CLMN: variants seen among roughly 807,000 people sequenced by gnomAD.
CLMN encodes calmin (calponin-like, transmembrane).
In CLMN, 57 loss-of-function variants were observed where a neutral mutation model predicts 92.7. The ratio of observed to expected loss-of-function variants is 0.61; its 90% confidence interval spans 0.50 to 0.77. CLMN has a LOEUF of 0.77. CLMN is among the 30% of genes least tolerant of loss of function. The pLI is 0.00. For synonymous variants in CLMN, 466 were observed against 470.6 expected (o/e 0.99, Z 0.13); for missense variants, 1,158 against 1,237.5 (o/e 0.94, Z 0.96).
At chr14:95,242,789 G>A (rs1413543760) in intron 1 of CLMN, among the ~76,000 whole-genome samples, 1 of 150,540 alleles carries the variant, frequency 6.6e-6, no homozygotes, top group African/African-American at 2.5e-5. Flanking sequence ...AGATGGTCTC[G>A]AACTCCAGAC....
intron 2 of CLMN, among the ~76,000 whole-genome samples, chr14:95,229,285 A>G (rs992768867): frequency 7.2e-5 from 11 of 151,948 alleles, no homozygotes; most frequent in African/African-American, 2.7e-4. Context: ...CCTTCCCATC[A>G]CTGCCTCTCC....
chr14:95,262,840 T>G (rs925550047), intron 1 of CLMN, among the ~76,000 whole-genome samples: 7 of 152,194 alleles, frequency 4.6e-5, no homozygotes, highest in Non-Finnish European at 1.0e-4. Context: ...TACTGGGGTT[T>G]CAGGCATGAG....
At chr14:95,309,884 T>C (rs1451226912) in intron 1 of CLMN, among the ~76,000 whole-genome samples, 2 of 152,098 alleles carry the variant, frequency 1.3e-5, no homozygotes, top group African/African-American at 4.8e-5. Context: ...ACCACACGCT[T>C]AGTGGCTGAA....
intron 1 of CLMN, among the ~76,000 whole-genome samples, chr14:95,302,321 A>G (rs1321304724): frequency 6.6e-6 from 1 of 151,964 alleles, no homozygotes; most frequent in Non-Finnish European, 1.5e-5. Context: ...AAATTAAAAC[A>G]AAAAAAGAGG....
At chr14:95,231,582 G>A (rs1897891878) in intron 1 of CLMN, among the ~76,000 whole-genome samples, 1 of 152,122 alleles carries the variant, frequency 6.6e-6, no homozygotes, top group Non-Finnish European at 1.5e-5. Flanking sequence ...CTGGTCCCTG[G>A]TGCCAAAAAG....
At chr14:95,281,891 C>T (rs929301532) in intron 1 of CLMN, among the ~76,000 whole-genome samples, 1 of 152,180 alleles carries the variant, frequency 6.6e-6, no homozygotes, top group African/African-American at 2.4e-5. Flanking sequence ...CCAAGAAGGG[C>T]TGTACCATGC....
intron 1 of CLMN, among the ~76,000 whole-genome samples, chr14:95,267,876 G>A (rs543670963): frequency 9.8e-5 from 15 of 152,334 alleles, no homozygotes; most frequent in African/African-American, 3.6e-4. Flanking sequence ...CAGCAATATG[G>A]ATGAAACTGG....
intron 5 of CLMN, among the ~76,000 whole-genome samples, chr14:95,214,942 TGA>T (rs772618748): frequency 1.3e-5 from 2 of 151,794 alleles, no homozygotes; most frequent in Non-Finnish European, 2.9e-5. Context: ...CTCTAGAAAA[TGA>T]GATACCAGCT....
chr14:95,226,645 C>T (rs1897720536), intron 2 of CLMN, among the ~76,000 whole-genome samples: 1 of 152,016 alleles, frequency 6.6e-6, no homozygotes, highest in Non-Finnish European at 1.5e-5. Flanking sequence ...GGCATGACCA[C>T]GGTTCACTGC....
intron 1 of CLMN, among the ~76,000 whole-genome samples, chr14:95,240,718 A>G (rs555610615): frequency 6.6e-6 from 1 of 152,324 alleles, no homozygotes; most frequent in East Asian, 1.9e-4. Context: ...GAGGAAATCA[A>G]CCTTTATAAA....
intron 4 of CLMN, among the ~76,000 whole-genome samples, chr14:95,217,237 G>A (rs1219628453): frequency 6.6e-6 from 1 of 152,220 alleles, no homozygotes; most frequent in African/African-American, 2.4e-5. Flanking sequence ...AGAACCTGAA[G>A]AGAGCATCTC....
At chr14:95,233,227 G>A (rs1897943796) in intron 1 of CLMN, among the ~76,000 whole-genome samples, 1 of 152,180 alleles carries the variant, frequency 6.6e-6, no homozygotes, top group Admixed American at 6.5e-5. Flanking sequence ...CAGAGAACCT[G>A]GGTTAGGCTG....
chr14:95,316,397 G>A (rs1022054822), intron 1 of CLMN, among the ~76,000 whole-genome samples: 2 of 152,254 alleles, frequency 1.3e-5, no homozygotes, highest in Non-Finnish European at 2.9e-5. Context: ...CTTGACGAAC[G>A]TCTTTTTGAG....
chr14:95,304,042 A>C (rs1901171683), intron 1 of CLMN, among the ~76,000 whole-genome samples: 1 of 152,226 alleles, frequency 6.6e-6, no homozygotes, highest in African/African-American at 2.4e-5. Flanking sequence ...AAACTCAAAG[A>C]AATCTACATC....
At position 95,245,221 on chromosome 14, in the gene CLMN, T is replaced by C. The variant is rs1293110750; in HGVS notation, c.83-15088A>G. Among the ~76,000 whole-genome samples the C allele has an allele frequency of 1.2e-3, 39 of 33,110 alleles. 2 individuals carry two copies. Among genetic ancestry groups the C allele is most frequent in the African/African-American group, 3.2e-3 (17 of 5,318 alleles). 21.7% of individuals were successfully genotyped at this position (33,110 alleles called of 152,430 possible). On this transcript the variant is annotated intron_variant, in intron 1 of 12. Transcript: ENST00000298912. ...TATATATATATATTATATATATATATATATTATATATATATATTATATATA... is the reference window on the plus strand; with the variant it reads ...TATATATATATATTATATATATATACATATTATATATATATATTATATATA...
At position 95,196,585 on chromosome 14, in the gene CLMN, A is replaced by G. The variant is rs371458866; in HGVS notation, c.2621T>C (p.Val874Ala). The change falls in exon 10 of 13, where the codon GTA becomes GCA. Residue 874 changes from valine (V) to alanine (A), a missense_variant. Physicochemically the swap from Val to Ala is moderately conservative, Grantham distance 64. Transcript: ENST00000298912. ...TGGTGCTACAAATAGTGAACTTTCT[A>G]CGTGGTCCACATGTTTCCTTTTTTC... Reference protein sequence around the residue: ...KKEKRKHVDHVESSLFVAPGS... With the variant: ...KKEKRKHVDHAESSLFVAPGS... The G allele has an allele frequency of 5.0e-6, 8 of 1,614,090 alleles. No individual in the cohort carries two copies. The African/African-American group carries it at 9.3e-5, about 19-fold the overall frequency.
intron 1 of CLMN, among the ~76,000 whole-genome samples, chr14:95,291,179 T>C (rs1346692436): frequency 6.6e-6 from 1 of 152,238 alleles, no homozygotes; most frequent in Non-Finnish European, 1.5e-5. Context: ...CGTCCCTGGT[T>C]ACTGATGACA....
At chr14:95,250,338 A>C (rs547871564) in intron 1 of CLMN, among the ~76,000 whole-genome samples, 45 of 152,354 alleles carry the variant, frequency 3.0e-4, no homozygotes, top group Non-Finnish European at 5.3e-4. Flanking sequence ...CAATTGTTGG[A>C]TATTTCAGCT....
chr14:95,209,267 C>A, intron 8 of CLMN, 128 bp downstream of exon 8: 1 of 789,120 alleles, frequency 1.3e-6, no homozygotes, highest in Admixed American at 1.8e-5. Context: ...GCTCAAGGGA[C>A]TTGGGAGCAA....
Sources: allele counts gnomAD v4.1 joint callset (sites outside exome capture counted in the v4.1 genomes callset), GRCh38; gene constraint gnomAD v4.1.1; transcripts MANE v1.5; gene names NCBI Gene and HGNC (gene_info 2026-07-23, HGNC 2026-07-21).